RAB38: variants seen among roughly 807,000 people sequenced by gnomAD.
RAB38 encodes the protein ras-related protein Rab-38.
In RAB38, 15 loss-of-function variants were observed where a neutral mutation model predicts 18.4. The ratio of observed to expected loss-of-function variants is 0.82; its 90% CI spans 0.55 to 1.26. The LOEUF (loss-of-function observed/expected upper bound fraction) is 1.26. RAB38 is among the 50% of genes most tolerant of loss of function. RAB38 has a pLI of 0.00. For synonymous variants in RAB38, 101 were observed against 104.4 expected (o/e 0.97, Z 0.20); for missense variants, 294 against 267.4 (o/e 1.10, Z -0.69).
chr11:88,069,924 C>T, the RAB38 span, among the ~76,000 whole-genome samples: 35 of 152,090 alleles, frequency 2.3e-4, no homozygotes, highest in East Asian at 1.9e-3. Flanking sequence ...GGATTGTAAA[C>T]GCACCAATCA....
the RAB38 span, among the ~76,000 whole-genome samples, chr11:88,065,861 A>G: frequency 6.6e-6 from 1 of 152,304 alleles, no homozygotes; most frequent in African/African-American, 2.4e-5. Context: ...GATTTGGTCA[A>G]TTGTCCTTTT....
the RAB38 span, among the ~76,000 whole-genome samples, chr11:87,900,716 GAGGT>G: frequency 6.7e-6 from 1 of 148,526 alleles, no homozygotes; most frequent in African/African-American, 2.5e-5. Flanking sequence ...AAAAGGAAGA[GAGGT>G]AGGGAAGAAG....
the RAB38 span, among the ~76,000 whole-genome samples, chr11:87,965,894 T>G: frequency 6.6e-6 from 1 of 152,192 alleles, no homozygotes; most frequent in Non-Finnish European, 1.5e-5. Flanking sequence ...GCAAGTGGTT[T>G]ATGCTTTTAT....
At chr11:87,973,578 G>A in the RAB38 span, among the ~76,000 whole-genome samples, 2 of 147,040 alleles carry the variant, frequency 1.4e-5, no homozygotes, top group Non-Finnish European at 3.1e-5. Context: ...AGTTAGTGAA[G>A]AGAGCTTCTG....
At chr11:88,121,445 A>G (rs1440858258) in intron 2 of RAB38, among the ~76,000 whole-genome samples, 1 of 152,242 alleles carries the variant, frequency 6.6e-6, no homozygotes, top group Non-Finnish European at 1.5e-5. Context: ...CACAGCCAGC[A>G]AGTCAAACTT....
At chr11:87,903,824 TAA>T in the RAB38 span, among the ~76,000 whole-genome samples, 267 of 151,698 alleles carry the variant, frequency 1.8e-3, 1 homozygote, top group South Asian at 7.0e-3. Flanking sequence ...TTATTCATAT[TAA>T]GTTGTGTATT....
the RAB38 span, among the ~76,000 whole-genome samples, chr11:87,934,945 G>T: frequency 6.6e-6 from 1 of 152,012 alleles, no homozygotes; most frequent in African/African-American, 2.4e-5. Flanking sequence ...GAATGTAGAA[G>T]CTTGAGGAAG....
chr11:87,900,661 TAGGAAGGA>T, the RAB38 span, among the ~76,000 whole-genome samples: 5,383 of 131,258 alleles, frequency 0.041, 279 homozygotes, highest in Admixed American at 0.16. Context: ...GAAAGAAAGG[TAGGAAGGA>T]AGGAAGGAAG....
chr11:88,145,490 G>C (rs1942973845), intron 2 of RAB38, among the ~76,000 whole-genome samples: 1 of 152,082 alleles, frequency 6.6e-6, no homozygotes, highest in African/African-American at 2.4e-5. Context: ...AGGTGAGTGG[G>C]TGTGATTTTA....
the RAB38 span, among the ~76,000 whole-genome samples, chr11:88,089,452 G>C: frequency 6.6e-6 from 1 of 151,914 alleles, no homozygotes; most frequent in African/African-American, 2.4e-5. Context: ...ATTTCCAGAA[G>C]AGAGTGCCCT....
At chr11:88,052,683 G>A in the RAB38 span, among the ~76,000 whole-genome samples, 1 of 151,394 alleles carries the variant, frequency 6.6e-6, no homozygotes. Context: ...TAATGACTAT[G>A]CTCCTGGCAG....
chr11:88,054,553 T>A, the RAB38 span, among the ~76,000 whole-genome samples: 1 of 152,222 alleles, frequency 6.6e-6, no homozygotes, highest in African/African-American at 2.4e-5. Context: ...TTTAGTAAGC[T>A]TCTACTGGAT....
At chr11:88,111,322 T>C (rs929821824), downstream of RAB38, among the ~76,000 whole-genome samples, 1 of 152,148 alleles carries the variant, frequency 6.6e-6, no homozygotes, top group East Asian at 1.9e-4. Context: ...TGCTCCACTA[T>C]CTAGTAGCAA....
Position 88,175,169 on chromosome 11 carries a change from C to A in RAB38, c.202+14G>T, listed in dbSNP as rs764467948. 1.3e-6 allele frequency: 2 copies of A among 1,580,666 alleles called. No individual in the cohort carries two copies. The highest frequency in any genetic ancestry group is 1.1e-5 in the South Asian group (1 of 87,096). ...AGGCGCTCTATCCCCCTGACCCCCT[C>A]CCCCCGCGCTCACCTGCGATATCCC... On this transcript the variant is annotated intron_variant, in intron 1 of 2. Coordinates refer to ENST00000243662, the MANE Select transcript of RAB38 (RefSeq NM_022337.3).
At chr11:88,020,166 G>A in the RAB38 span, among the ~76,000 whole-genome samples, 1 of 152,184 alleles carries the variant, frequency 6.6e-6, no homozygotes, top group East Asian at 1.9e-4. Flanking sequence ...AGACATAGAG[G>A]AGCTGAATAG....
the RAB38 span, among the ~76,000 whole-genome samples, chr11:87,949,187 A>G: frequency 6.6e-6 from 1 of 152,118 alleles, no homozygotes; most frequent in Non-Finnish European, 1.5e-5. Flanking sequence ...AGAGGTGTTT[A>G]TAGTATTCTC....
chr11:87,857,690 C>T, the RAB38 span, among the ~76,000 whole-genome samples: 2 of 151,948 alleles, frequency 1.3e-5, no homozygotes, highest in African/African-American at 4.8e-5. Flanking sequence ...TCATATCCTT[C>T]ACCTACTTTT....
chr11:87,891,877 A>G, the RAB38 span, among the ~76,000 whole-genome samples: 1 of 151,796 alleles, frequency 6.6e-6, no homozygotes, highest in African/African-American at 2.4e-5. Context: ...TAATGCATTT[A>G]GTTTCTCTTT....
the RAB38 span, among the ~76,000 whole-genome samples, chr11:87,895,154 G>C: frequency 3.3e-5 from 5 of 151,668 alleles, no homozygotes; most frequent in South Asian, 1.0e-3. Context: ...TTGCTCTAGC[G>C]GGGCCTCTGG....
Sources: allele counts gnomAD v4.1 joint callset (sites outside exome capture counted in the v4.1 genomes callset), GRCh38; gene constraint gnomAD v4.1.1; transcripts MANE v1.5; gene names NCBI Gene and HGNC (gene_info 2026-07-23, HGNC 2026-07-21).